The following LRRC72 variants were observed in gnomAD, a reference collection of about 807,000 sequenced individuals.
LRRC72 encodes leucine-rich repeat-containing protein 72.
A neutral mutation model predicts 35.8 loss-of-function variants in LRRC72; 41 were observed. That is an observed-to-expected ratio of 1.15 (90% CI 0.89 to 1.49). LRRC72 has a LOEUF of 1.49. Among genes scored for constraint, LRRC72 ranks in the 40% most tolerant of loss-of-function variants. LRRC72 has a pLI of 0.00. For synonymous variants in LRRC72, 118 were observed against 119.2 expected, an observed-to-expected ratio of 0.99 and a Z score of 0.07; for missense variants, 389 against 330.7, an observed-to-expected ratio of 1.18 and a Z score of -1.37.
At chr7:16,546,484 G>A (rs990947352) in intron 3 of LRRC72, among the ~76,000 whole-genome samples, 2 of 151,878 alleles carry the variant, frequency 1.3e-5, no homozygotes, top group African/African-American at 4.8e-5. Context: ...CTCCCTGGGG[G>A]GCAAAATTCC....
intron 2 of LRRC72, among the ~76,000 whole-genome samples, chr7:16,534,847 T>C (rs1240909589): frequency 6.6e-6 from 1 of 152,160 alleles, no homozygotes; most frequent in East Asian, 1.9e-4. Flanking sequence ...TGAAATAAGC[T>C]ACATATATAC....
intron 7 of LRRC72, among the ~76,000 whole-genome samples, chr7:16,570,430 T>C (rs574666159): frequency 7.2e-5 from 11 of 152,240 alleles, no homozygotes; most frequent in Non-Finnish European, 1.3e-4. Context: ...CACTTTTAAA[T>C]AATTTAGACT....
chr7:16,559,282 T>G (rs771973248), intron 5 of LRRC72, among the ~76,000 whole-genome samples: 6 of 151,726 alleles, frequency 4.0e-5, no homozygotes, highest in Non-Finnish European at 8.8e-5. Context: ...TAATCCCAGC[T>G]ACTTGAGAGG....
At chr7:16,537,602 G>A (rs1351220710) in intron 2 of LRRC72, 25 bp from the exon 3 acceptor site, 1 of 1,427,428 alleles carries the variant, frequency 7.0e-7, no homozygotes, top group East Asian at 2.5e-5. Context: ...TGTTGCTAAT[G>A]TTCACATTTT....
intron 2 of LRRC72, 186 bp downstream of exon 2, chr7:16,532,754 A>G: frequency 1.6e-6 from 1 of 626,374 alleles, no homozygotes; most frequent in Non-Finnish European, 2.9e-6. Context: ...AATTGATTAA[A>G]AAAAAAAAAA....
In LRRC72 at chr7:16,537,703, T is replaced by A; in HGVS notation, c.234+7T>A. 4 of 1,382,380 alleles carry A rather than the reference T, an allele frequency of 2.9e-6. No homozygotes were observed. Among genetic ancestry groups the A allele is most frequent in the Non-Finnish European group, 3.9e-6 (4 of 1,015,734 alleles). 85.6% of individuals were successfully genotyped at this position (1,382,380 alleles called of 1,614,324 possible). A position where few individuals can be genotyped will look rare whatever the true frequency, so the allele number is the denominator to read the frequency against. ...ATGGCTTCATCATAACAAGGTAGTGTTTTATTTTATCTTTCAATTACTAAA... is the reference window on the plus strand; with the variant it reads ...ATGGCTTCATCATAACAAGGTAGTGATTTATTTTATCTTTCAATTACTAAA... On this transcript the variant is annotated splice_region_variant and intron_variant, in intron 3 of 8. Transcript: ENST00000401542.
chr7:16,541,171 A>G (rs959027683), intron 3 of LRRC72, among the ~76,000 whole-genome samples: 1 of 152,234 alleles, frequency 6.6e-6, no homozygotes, highest in Non-Finnish European at 1.5e-5. Flanking sequence ...GACAATCACT[A>G]CAGTAAGCTA....
rs75071389 is a variant in LRRC72, at chr7:16,533,536, G to A, written c.164+968G>A. 0.017 allele frequency among the ~76,000 whole-genome samples: 2,530 copies of A among 152,114 alleles called. 108 individuals are homozygous for A. In the East Asian group the frequency reaches 0.2, roughly 12 times the overall value. On this transcript the variant is annotated intron_variant, in intron 2 of 8. Transcript: ENST00000401542. ...TGTATTATTTTTAAATAGGCTTGAC[G>A]TATTTTTGCTCATATGTAATCTTTG...
At chr7:16,555,237 C>T (rs1782630405) in intron 3 of LRRC72, among the ~76,000 whole-genome samples, 1 of 152,162 alleles carries the variant, frequency 6.6e-6, no homozygotes, top group South Asian at 2.1e-4. Context: ...ATCAGATGAA[C>T]AGCACATGAT....
Position 16,526,976 on chromosome 7 carries a change from G to GCCCCGTA in LRRC72, c.27_33dup (p.Leu12ProfsTer24). The GCCCCGTA allele has an allele frequency of 1.9e-6, 3 of 1,539,964 alleles. No homozygotes were observed. Among genetic ancestry groups the GCCCCGTA allele is most frequent in the Non-Finnish European group, 2.6e-6 (3 of 1,146,930 alleles). ...TGATGTCCTGGGACCCGAACCCCGT[G>GCCCCGTA]CCCCGTACCTTGCGATGCTGGCGCC... On this transcript the variant is annotated frameshift_variant, in exon 1 of 9. Transcript: ENST00000401542. LOFTEE classifies it high-confidence loss of function.
chr7:16,546,935 C>CATTA (rs1782453290), intron 3 of LRRC72, among the ~76,000 whole-genome samples: 1 of 152,186 alleles, frequency 6.6e-6, no homozygotes, highest in Non-Finnish European at 1.5e-5. Flanking sequence ...CAGTTGCTGC[C>CATTA]ATTATACCAG....
chr7:16,554,346 T>C (rs910889266), intron 3 of LRRC72, among the ~76,000 whole-genome samples: 2 of 152,154 alleles, frequency 1.3e-5, no homozygotes, highest in Non-Finnish European at 2.9e-5. Flanking sequence ...AATAAATAAA[T>C]AAATAGCATT....
intron 3 of LRRC72, among the ~76,000 whole-genome samples, chr7:16,555,495 G>A (rs1039791712): frequency 1.3e-5 from 2 of 152,134 alleles, no homozygotes; most frequent in African/African-American, 4.8e-5. Flanking sequence ...GTTCCTGGCC[G>A]GACATGGTGG....
chr7:16,567,876 T>C (rs1004363771), intron 7 of LRRC72, among the ~76,000 whole-genome samples: 2 of 152,090 alleles, frequency 1.3e-5, no homozygotes, highest in Non-Finnish European at 2.9e-5. Flanking sequence ...CTAACATGGA[T>C]GATTTTACCA....
At chr7:16,580,206 GACTC>G (rs999450439) in intron 8 of LRRC72, 105 bp downstream of exon 8, 3 of 201,112 alleles carry the variant, frequency 1.5e-5, no homozygotes, top group African/African-American at 4.8e-5. Context: ...ATTAAAAAAT[GACTC>G]ACTCTTCAAT....
intron 2 of LRRC72, among the ~76,000 whole-genome samples, chr7:16,534,677 T>G (rs946307177): frequency 1.3e-5 from 2 of 151,764 alleles, no homozygotes; most frequent in African/African-American, 2.4e-5. Flanking sequence ...TAAAATGAAA[T>G]AACTTTTATG....
At chr7:16,572,941 C>G (rs1444372884) in intron 7 of LRRC72, among the ~76,000 whole-genome samples, 1 of 152,142 alleles carries the variant, frequency 6.6e-6, no homozygotes, top group East Asian at 1.9e-4. Flanking sequence ...AGCTGATAAA[C>G]AACTTCAGCA....
At position 16,558,923 on chromosome 7, in the gene LRRC72, G is replaced by C. The variant is rs761205529; in HGVS notation, c.351G>C (p.Leu117=). 6.5e-7 allele frequency: 1 copy of C among 1,530,562 alleles called. No individual in the cohort carries two copies. The highest frequency in any genetic ancestry group is 2.5e-5 in the East Asian group (1 of 40,112). 94.8% of individuals were successfully genotyped at this position (1,530,562 alleles called of 1,614,324 possible). A position where few individuals can be genotyped will look rare whatever the true frequency, so the allele number is the denominator to read the frequency against. The change falls in exon 5 of 9, where the codon CTG becomes CTC. Residue 117 remains leucine, a synonymous_variant. Transcript: ENST00000401542. The part of the protein sequence containing the change: ...LHYLPSLHIL[L]LHHNELTNID... ...ATTTGCCTTCATTGCATATACTCCT[G>C]CTACACCACAATGAGCTAACCAACA...
chr7:16,551,767 T>TA lies in LRRC72; in HGVS notation c.235-5579dup, dbSNP rs34443112. On this transcript the variant is annotated intron_variant, in intron 3 of 8. Coordinates refer to ENST00000401542, the MANE Select transcript of LRRC72 (RefSeq NM_001195280.2). ...CTGTATCCTTTGTAATATCCTTTAT[T>TA]AAAAAAAAAAAAAAGTAGATGAAAG... is the stretch of plus-strand genomic sequence containing the variant. Among the ~76,000 whole-genome samples, 959 of 139,676 alleles carry TA rather than the reference T, an allele frequency of 6.9e-3. 6 individuals carry two copies. The highest frequency in any genetic ancestry group is 0.017 in the African/African-American group (645 of 38,094). 91.6% of individuals were successfully genotyped at this position (139,676 alleles called of 152,430 possible). A position where few individuals can be genotyped will look rare whatever the true frequency, so the allele number is the denominator to read the frequency against.
Sources: allele counts gnomAD v4.1 joint callset (sites outside exome capture counted in the v4.1 genomes callset), GRCh38; gene constraint gnomAD v4.1.1; transcripts MANE v1.5; gene names NCBI Gene and HGNC (gene_info 2026-07-23, HGNC 2026-07-21).